The following BABAM2 variants were observed in gnomAD, a reference collection of about 807,000 sequenced individuals.
BABAM2 encodes BRISC and BRCA1 A complex member 2.
BABAM2 carries 31 observed loss-of-function variants against 54.7 expected under a neutral mutation model. The observed-to-expected ratio is 0.57, with a 90% CI of 0.43 to 0.77. BABAM2 has a LOEUF of 0.77. BABAM2 is among the 30% of genes least tolerant of loss of function. The probability of loss-of-function intolerance (pLI) is 0.00; values close to 1 mark genes in which losing one functional copy is unlikely to be tolerated. For synonymous variants in BABAM2, 167 were observed against 162.9 expected (o/e 1.03, Z -0.19); for missense variants, 364 against 455.8 (o/e 0.80, Z 1.83).
rs1296106301 is a variant in BABAM2, at chr2:28,075,579, C to CGT, written c.570+29790_570+29791dup. Among the ~76,000 whole-genome samples, 3 of 144,298 alleles carry CGT rather than the reference C, an allele frequency of 2.1e-5. No individual in the cohort carries two copies. In the East Asian group the frequency reaches 5.9e-4, roughly 28 times the overall value. The allele number at this position is 144,298 out of a possible 152,430, so 94.7% of individuals were successfully genotyped here. A position where few individuals can be genotyped will look rare whatever the true frequency, so the allele number is the denominator to read the frequency against. ...GTGCATGTGTGTGTGTGTGTGTGTGCGTGTGTGTGTGCATGCAGTGTGTCT... is the reference window on the plus strand; with the variant it reads ...GTGCATGTGTGTGTGTGTGTGTGTGCGTGTGTGTGTGTGCATGCAGTGTGTCT... On this transcript the variant is annotated intron_variant, in intron 6 of 11. Coordinates refer to ENST00000379624, the MANE Select transcript of BABAM2 (RefSeq NM_199191.3).
intron 1 of BABAM2, among the ~76,000 whole-genome samples, chr2:27,891,602 G>T (rs1006742598): frequency 1.3e-5 from 2 of 151,990 alleles, no homozygotes; most frequent in Admixed American, 1.3e-4. Context: ...TACCGGTGGT[G>T]ACTCCCTGTC....
chr2:27,979,337 G>A lies in BABAM2; in HGVS notation c.206-8656G>A, dbSNP rs148445004. On this transcript the variant is annotated intron_variant, in intron 3 of 11. Transcript: ENST00000379624. ...GTGTGAGCCACTGCGCCTGGCCTAT[G>A]TACATTTTCTTTATCAGATTCACTC... Among the ~76,000 whole-genome samples, 885 of 151,658 alleles carry A rather than the reference G, an allele frequency of 5.8e-3. 8 individuals carry two copies. The highest frequency in any genetic ancestry group is 8.2e-3 in the Non-Finnish European group (558 of 67,856).
intron 10 of BABAM2, among the ~76,000 whole-genome samples, chr2:28,258,601 T>C (rs958021216): frequency 5.3e-5 from 6 of 112,440 alleles, no homozygotes; most frequent in African/African-American, 2.0e-4. Context: ...TTAAGTCTTT[T>C]TCTTTTTTCT....
intron 6 of BABAM2, among the ~76,000 whole-genome samples, chr2:28,078,476 T>C (rs1664878312): frequency 6.6e-6 from 1 of 152,120 alleles, no homozygotes; most frequent in South Asian, 2.1e-4. Flanking sequence ...TTGCTAAGCT[T>C]TACAGTAAGA....
chr2:28,254,360 C>A (rs1683768894), intron 10 of BABAM2, among the ~76,000 whole-genome samples: 1 of 152,160 alleles, frequency 6.6e-6, no homozygotes, highest in Non-Finnish European at 1.5e-5. Context: ...TGGTCTCGAA[C>A]TCCTGACCTC....
intron 10 of BABAM2, among the ~76,000 whole-genome samples, chr2:28,274,698 G>T (rs1317493851): frequency 1.3e-5 from 2 of 152,178 alleles, no homozygotes; most frequent in African/African-American, 4.8e-5. Context: ...CCGGTGTTAG[G>T]CACTAGACAA....
At chr2:27,972,979 G>A in intron 3 of BABAM2, among the ~76,000 whole-genome samples, 1 of 151,698 alleles carries the variant, frequency 6.6e-6, no homozygotes, top group Non-Finnish European at 1.5e-5. Flanking sequence ...TGTTGGCCAG[G>A]CTGGTTTTGA....
chr2:28,004,645 C>T (rs1673823605), intron 4 of BABAM2, among the ~76,000 whole-genome samples: 1 of 151,174 alleles, frequency 6.6e-6, no homozygotes, highest in African/African-American at 2.4e-5. Context: ...TGCACAAACA[C>T]TAATTGACAT....
At chr2:27,891,121 G>T (rs1396873902) in intron 1 of BABAM2, 1 of 152,280 alleles carries the variant, frequency 6.6e-6, no homozygotes, top group Non-Finnish European at 1.5e-5. Flanking sequence ...ATACAGTTTG[G>T]AAGAGGGGAG....
intron 7 of BABAM2, among the ~76,000 whole-genome samples, chr2:28,196,123 C>A (rs1005147625): frequency 6.6e-6 from 1 of 151,556 alleles, no homozygotes; most frequent in Non-Finnish European, 1.5e-5. Context: ...GTCAGGAGAT[C>A]GAGACCATCC....
chr2:27,923,814 T>G (rs1667495579), intron 2 of BABAM2, among the ~76,000 whole-genome samples: 1 of 151,708 alleles, frequency 6.6e-6, no homozygotes, highest in African/African-American at 2.4e-5. Context: ...CTATTAAAAA[T>G]ACAAAAAATT....
chr2:28,246,119 C>T (rs1682893728), intron 10 of BABAM2, among the ~76,000 whole-genome samples: 2 of 152,164 alleles, frequency 1.3e-5, no homozygotes, highest in South Asian at 4.1e-4. Context: ...TTCAAGGTGT[C>T]AGGCACCTTG....
intron 3 of BABAM2, among the ~76,000 whole-genome samples, chr2:27,969,200 A>G (rs1418572599): frequency 2.6e-5 from 4 of 152,094 alleles, no homozygotes; most frequent in African/African-American, 9.7e-5. Flanking sequence ...GCCTTCTGCC[A>G]TGATTGTGAG....
chr2:27,928,105 G>A (rs890156383), intron 2 of BABAM2, among the ~76,000 whole-genome samples: 13 of 152,028 alleles, frequency 8.6e-5, no homozygotes, highest in African/African-American at 2.2e-4. Context: ...TCCGCCTCCC[G>A]TGTTCAAGCA....
chr2:28,052,001 A>G (rs1678033556), intron 6 of BABAM2, among the ~76,000 whole-genome samples: 1 of 152,118 alleles, frequency 6.6e-6, no homozygotes, highest in African/African-American at 2.4e-5. Flanking sequence ...AATGCCATTG[A>G]AAGAATTAGA....
At chr2:27,933,720 C>T (rs934876082) in intron 3 of BABAM2, among the ~76,000 whole-genome samples, 3 of 151,512 alleles carry the variant, frequency 2.0e-5, no homozygotes, top group African/African-American at 7.3e-5. Flanking sequence ...GCTTCAGCCT[C>T]CCAAAATGCT....
intron 10 of BABAM2, among the ~76,000 whole-genome samples, chr2:28,251,388 C>G (rs774192355): frequency 6.6e-6 from 1 of 152,084 alleles, no homozygotes; most frequent in Admixed American, 6.6e-5. Context: ...AAGTAAAAAT[C>G]AGAAGCTTCT....
intron 2 of BABAM2, among the ~76,000 whole-genome samples, chr2:27,920,413 C>G (rs779289797): frequency 3.9e-5 from 6 of 152,084 alleles, no homozygotes; most frequent in Non-Finnish European, 8.8e-5. Context: ...ACTGCTGCAT[C>G]CAGTCTAGAA....
intron 10 of BABAM2, among the ~76,000 whole-genome samples, chr2:28,260,378 T>A (rs1456214357): frequency 6.8e-6 from 1 of 147,900 alleles, no homozygotes; most frequent in South Asian, 2.1e-4. Context: ...CTTGGTTCAC[T>A]GCAACCTCTG....
Sources: allele counts gnomAD v4.1 joint callset (sites outside exome capture counted in the v4.1 genomes callset), GRCh38; gene constraint gnomAD v4.1.1; transcripts MANE v1.5; gene names NCBI Gene and HGNC (gene_info 2026-07-23, HGNC 2026-07-21).